The following CTNNA3 variants were observed in gnomAD, a reference collection of about 807,000 sequenced individuals.
CTNNA3 encodes the protein catenin alpha 3, also known as catenin alpha-3.
Under a neutral mutation model 95.7 loss-of-function variants are expected in CTNNA3, and 76 were observed. The ratio of observed to expected loss-of-function variants is 0.79; its 90% confidence interval spans 0.66 to 0.96. The LOEUF (loss-of-function observed/expected upper bound fraction) is 0.96, where lower values mean the gene tolerates loss of function less well. CTNNA3 is among the 40% of genes least tolerant of loss of function. The pLI is 0.00. For synonymous variants in CTNNA3, 431 were observed against 374.4 expected (o/e 1.15, Z -1.74); for missense variants, 1,191 against 1,089.8 (o/e 1.09, Z -1.31).
At chr10:66,160,934 TC>T (rs2084810533) in intron 13 of CTNNA3, among the ~76,000 whole-genome samples, 1 of 152,162 alleles carries the variant, frequency 6.6e-6, no homozygotes, top group Admixed American at 6.6e-5. Flanking sequence ...TTATATAATG[TC>T]CCTCTTTGTC....
chr10:67,031,641 C>A (rs910907890), intron 7 of CTNNA3, among the ~76,000 whole-genome samples: 1 of 152,128 alleles, frequency 6.6e-6, no homozygotes, highest in Non-Finnish European at 1.5e-5. Context: ...GTTTGAAATA[C>A]GCCCATCAAC....
At chr10:67,325,593 C>T (rs1482344056) in intron 5 of CTNNA3, among the ~76,000 whole-genome samples, 1 of 152,002 alleles carries the variant, frequency 6.6e-6, no homozygotes, top group African/African-American at 2.4e-5. Flanking sequence ...TAGTCCATGA[C>T]ATGGTATGTT....
intron 7 of CTNNA3, among the ~76,000 whole-genome samples, chr10:66,830,603 C>CTTTT (rs111968297): frequency 2.0e-5 from 3 of 147,774 alleles, no homozygotes; most frequent in South Asian, 2.1e-4. Context: ...ACTAATTTCT[C>CTTTT]TTTTTTTTTT....
chr10:65,991,508 T>A (rs934966640), intron 15 of CTNNA3, among the ~76,000 whole-genome samples: 17 of 151,982 alleles, frequency 1.1e-4, no homozygotes, highest in African/African-American at 4.1e-4. Context: ...TAGGCTTTTT[T>A]TTTGTAGCTA....
chr10:66,288,383 A>C (rs921297971), intron 12 of CTNNA3, among the ~76,000 whole-genome samples: 5 of 152,050 alleles, frequency 3.3e-5, no homozygotes, highest in African/African-American at 1.2e-4. Flanking sequence ...TTCAATCAAC[A>C]AGGGTAGGGA....
intron 13 of CTNNA3, among the ~76,000 whole-genome samples, chr10:66,199,783 ATATATATATATATATATATATATTTT>A (rs2087223141): frequency 9.7e-5 from 1 of 10,318 alleles, no homozygotes; most frequent in African/African-American, 4.2e-4. Context: ...ATATATATAT[ATATATATATATATATATATATATTTT>A]TTTTTTTTTT....
intron 7 of CTNNA3, among the ~76,000 whole-genome samples, chr10:66,951,882 A>G (rs985875258): frequency 6.6e-6 from 1 of 152,190 alleles, no homozygotes; most frequent in African/African-American, 2.4e-5. Context: ...CAGAAAGCCC[A>G]TCTCCAAGTC....
intron 13 of CTNNA3, among the ~76,000 whole-genome samples, chr10:66,161,851 T>A (rs2084866126): frequency 6.6e-6 from 1 of 152,148 alleles, no homozygotes; most frequent in East Asian, 1.9e-4. Flanking sequence ...TTAGGTTTGG[T>A]CGTTTAACAT....
chr10:66,938,668 C>A (rs559170576), intron 7 of CTNNA3, among the ~76,000 whole-genome samples: 9 of 151,932 alleles, frequency 5.9e-5, no homozygotes, highest in Non-Finnish European at 1.3e-4. Context: ...AAAGGTTAAT[C>A]GTATTCTTAG....
intron 7 of CTNNA3, among the ~76,000 whole-genome samples, chr10:66,848,099 C>A (rs562276870): frequency 6.6e-6 from 1 of 152,024 alleles, no homozygotes; most frequent in East Asian, 1.9e-4. Flanking sequence ...GAAACAGCAG[C>A]GGATTATCAT....
At chr10:67,101,691 T>C (rs1284920105) in intron 7 of CTNNA3, among the ~76,000 whole-genome samples, 1 of 151,768 alleles carries the variant, frequency 6.6e-6, no homozygotes, top group African/African-American at 2.4e-5. Flanking sequence ...CATAATCCTA[T>C]TTTGAACTCA....
intron 5 of CTNNA3, among the ~76,000 whole-genome samples, chr10:67,258,422 G>A (rs745803385): frequency 4.6e-5 from 7 of 152,096 alleles, no homozygotes; most frequent in Non-Finnish European, 8.8e-5. Context: ...GCGATTACAG[G>A]TGTGAGCCAC....
At chr10:67,573,149 A>G (rs1252804516) in intron 3 of CTNNA3, among the ~76,000 whole-genome samples, 1 of 152,162 alleles carries the variant, frequency 6.6e-6, no homozygotes, top group Admixed American at 6.5e-5. Flanking sequence ...CGCCTTTTAG[A>G]TCGATGTGAT....
In CTNNA3 at chr10:65,917,257, G is replaced by A. The variant is rs1220710618; in HGVS notation, c.*3073C>T. The A allele has an allele frequency of 6.6e-6, 1 of 152,086 alleles. No individual in the cohort carries two copies. Among genetic ancestry groups the A allele is most frequent in the Non-Finnish European group, 1.5e-5 (1 of 68,004 alleles). 9.4% of individuals were successfully genotyped at this position (152,086 alleles called of 1,614,324 possible). ...TAAATAATAAACAGAAAGGAATAAT[G>A]AACAAATTAGCTTAGAAATTTAGTG... On this transcript the variant is annotated 3_prime_UTR_variant, in exon 18 of 18. Transcript: ENST00000433211.
intron 13 of CTNNA3, among the ~76,000 whole-genome samples, chr10:66,157,506 GATAGA>G (rs1424129593): frequency 7.1e-5 from 6 of 84,034 alleles, no homozygotes; most frequent in African/African-American, 2.3e-4. Context: ...TAGATAGATA[GATAGA>G]TAGATAGATA....
chr10:66,595,682 G>A (rs147395916), intron 10 of CTNNA3, among the ~76,000 whole-genome samples: 3 of 152,112 alleles, frequency 2.0e-5, no homozygotes, highest in South Asian at 2.1e-4. Flanking sequence ...TGTTGCCCAG[G>A]CCAGAGGGAA....
At chr10:66,938,348 T>G (rs920439273) in intron 7 of CTNNA3, among the ~76,000 whole-genome samples, 13 of 152,174 alleles carry the variant, frequency 8.5e-5, no homozygotes, top group African/African-American at 3.1e-4. Flanking sequence ...AATAGCATAT[T>G]GTTGACCAGA....
chr10:66,725,003 G>A (rs1425253069), intron 9 of CTNNA3, among the ~76,000 whole-genome samples: 1 of 152,088 alleles, frequency 6.6e-6, no homozygotes, highest in Non-Finnish European at 1.5e-5. Context: ...AAATGATGTA[G>A]TATATGCACA....
chr10:67,634,557 T>C (rs1564797484), intron 2 of CTNNA3, among the ~76,000 whole-genome samples: 1 of 152,244 alleles, frequency 6.6e-6, no homozygotes, highest in East Asian at 1.9e-4. Context: ...CCAAGACCCA[T>C]CACAGTGCTG....
Sources: allele counts gnomAD v4.1 joint callset (sites outside exome capture counted in the v4.1 genomes callset), GRCh38; gene constraint gnomAD v4.1.1; transcripts MANE v1.5; gene names NCBI Gene and HGNC (gene_info 2026-07-23, HGNC 2026-07-21).